Variants in MAPRE2 observed in about 807,000 individuals in gnomAD.
The protein encoded by MAPRE2 is microtubule-associated protein RP/EB family member 2.
A neutral mutation model predicts 43.2 loss-of-function variants in MAPRE2; 13 were observed. The ratio of observed to expected loss-of-function variants is 0.30; its 90% CI spans 0.20 to 0.48. The LOEUF (loss-of-function observed/expected upper bound fraction) is 0.48. Among genes scored for constraint, MAPRE2 ranks in the 20% least tolerant of loss-of-function variants. The probability of loss-of-function intolerance (pLI) is 0.99; values close to 1 mark genes in which losing one functional copy is unlikely to be tolerated. For missense variants in MAPRE2, 161 were observed against 400.2 expected, an observed-to-expected ratio of 0.40 and a Z score of 5.10; for synonymous variants, 135 against 148.8, an observed-to-expected ratio of 0.91 and a Z score of 0.68.
chr18:35,139,039 G>C (rs1274397252), intron 6 of MAPRE2, among the ~76,000 whole-genome samples: 1 of 152,076 alleles, frequency 6.6e-6, no homozygotes, highest in Admixed American at 6.6e-5. Flanking sequence ...GCATCCAGTG[G>C]GTGGGGCCAA....
chr18:35,098,825 T>C (rs1172440962), intron 3 of MAPRE2, among the ~76,000 whole-genome samples: 1 of 152,230 alleles, frequency 6.6e-6, no homozygotes, highest in Non-Finnish European at 1.5e-5. Context: ...TCTAGAAGTA[T>C]ATACACACAG....
At chr18:35,001,004 A>G (rs1490883575) in intron 1 of MAPRE2, among the ~76,000 whole-genome samples, 1 of 152,190 alleles carries the variant, frequency 6.6e-6, no homozygotes, top group African/African-American at 2.4e-5. Context: ...AGGCAGGTGG[A>G]TCACTGGATC....
chr18:35,035,584 G>A (rs887470204), intron 2 of MAPRE2, among the ~76,000 whole-genome samples: 14 of 151,626 alleles, frequency 9.2e-5, no homozygotes, highest in Admixed American at 8.6e-4. Flanking sequence ...AGTTATTGAT[G>A]TGTCTGACCT....
chr18:35,004,023 TA>T (rs2097030594), intron 1 of MAPRE2, among the ~76,000 whole-genome samples: 2 of 152,224 alleles, frequency 1.3e-5, no homozygotes, highest in Admixed American at 1.3e-4. Flanking sequence ...TTCTGATTTT[TA>T]AACAAGCCCA....
Position 35,143,103 on chromosome 18 carries a change from C to A in MAPRE2, c.*2734C>A, listed in dbSNP as rs1004279375. 6.6e-6 allele frequency: 1 copy of A among 151,020 alleles called. No homozygotes were observed. 9.4% of individuals were successfully genotyped at this position (151,020 alleles called of 1,614,324 possible). ...AAAAAAAAAAAAGAAAGAAAAACAC[C>A]TGTTGACCTGAGAGAAGTAAATTCC... On this transcript the variant is annotated 3_prime_UTR_variant, in exon 7 of 7. Coordinates refer to ENST00000300249, the MANE Select transcript of MAPRE2 (RefSeq NM_014268.4).
intron 1 of MAPRE2, among the ~76,000 whole-genome samples, chr18:35,062,771 G>A (rs562249495): frequency 6.6e-6 from 1 of 152,176 alleles, no homozygotes; most frequent in Middle Eastern, 3.4e-3. Context: ...AAACCACTTG[G>A]GTTATAAGAA....
upstream of MAPRE2, among the ~76,000 whole-genome samples, chr18:35,040,901 A>T (rs1905309749): frequency 1.3e-5 from 2 of 152,100 alleles, no homozygotes; most frequent in South Asian, 4.1e-4. Flanking sequence ...TTTTGGGGAG[A>T]TGGTTGCTGC....
chr18:35,036,635 T>C (rs1006116053), upstream of MAPRE2, among the ~76,000 whole-genome samples: 1 of 152,180 alleles, frequency 6.6e-6, no homozygotes, highest in African/African-American at 2.4e-5. Context: ...CCCTCTACAC[T>C]GCCATTCCTC....
At chr18:35,063,324 G>A (rs886630057) in intron 1 of MAPRE2, among the ~76,000 whole-genome samples, 1 of 151,988 alleles carries the variant, frequency 6.6e-6, no homozygotes, top group African/African-American at 2.4e-5. Flanking sequence ...AGCCAGGATG[G>A]TCTTGATCTC....
chr18:35,140,885 T>C lies in MAPRE2; in HGVS notation c.*516T>C, dbSNP rs1323387409. On this transcript the variant is annotated 3_prime_UTR_variant, in exon 7 of 7. Coordinates refer to ENST00000300249, the MANE Select transcript of MAPRE2 (RefSeq NM_014268.4). ...AAACAGATACTTGATATGAAAGCCA[T>C]AATGACGGTGACTTGTGTCGTGGGG... 1 of 153,178 alleles carries C rather than the reference T, an allele frequency of 6.5e-6. No individual in the cohort carries two copies. The highest frequency in any genetic ancestry group is 1.5e-5 in the Non-Finnish European group (1 of 68,486). 9.5% of individuals were successfully genotyped at this position (153,178 alleles called of 1,614,324 possible).
intron 4 of MAPRE2, among the ~76,000 whole-genome samples, chr18:35,115,995 G>GT (rs1185421033): frequency 4.6e-5 from 7 of 152,140 alleles, no homozygotes; most frequent in Admixed American, 4.6e-4. Context: ...TTGAAGCACT[G>GT]TAAGAGATTC....
intron 2 of MAPRE2, among the ~76,000 whole-genome samples, chr18:35,010,341 G>A (rs1476915163): frequency 6.6e-6 from 1 of 152,212 alleles, no homozygotes; most frequent in Admixed American, 6.5e-5. Context: ...AAGAGTTCAA[G>A]GCTACAGTGA....
chr18:35,097,929 T>C (rs896572259), intron 3 of MAPRE2, among the ~76,000 whole-genome samples: 1 of 152,230 alleles, frequency 6.6e-6, no homozygotes, highest in Non-Finnish European at 1.5e-5. Context: ...AGAAACATCA[T>C]GTCATGGCAG....
chr18:35,012,005 T>C (rs770571760), intron 2 of MAPRE2, among the ~76,000 whole-genome samples: 5 of 152,086 alleles, frequency 3.3e-5, no homozygotes, highest in Non-Finnish European at 7.4e-5. Flanking sequence ...AAGTGAGAAG[T>C]AGTCACCTAA....
intron 2 of MAPRE2, among the ~76,000 whole-genome samples, chr18:35,032,916 G>A (rs2097048527): frequency 6.6e-6 from 1 of 152,044 alleles, no homozygotes; most frequent in Non-Finnish European, 1.5e-5. Flanking sequence ...CTGTATTGCT[G>A]GGAGCTTTTT....
chr18:35,070,421 A>T (rs947916544), intron 2 of MAPRE2, 99 bp downstream of exon 2: 1 of 1,054,860 alleles, frequency 9.5e-7, no homozygotes, highest in African/African-American at 1.6e-5. Context: ...GGTAGGAAAA[A>T]GTATATATTG....
At chr18:35,053,480 A>G (rs1906055739) in intron 1 of MAPRE2, among the ~76,000 whole-genome samples, 2 of 151,672 alleles carry the variant, frequency 1.3e-5, no homozygotes, top group Non-Finnish European at 2.9e-5. Context: ...TTAGCTGAGA[A>G]AAAAAAAACA....
At position 35,009,384 on chromosome 18, in the gene MAPRE2, G is replaced by A. The variant is rs750097665; in HGVS notation, c.-8+3831G>A. Among the ~76,000 whole-genome samples, 34 of 152,162 alleles carry A rather than the reference G, an allele frequency of 2.2e-4. 1 individual carries two copies. Among genetic ancestry groups the A allele is most frequent in the Non-Finnish European group, 4.3e-4 (29 of 68,040 alleles). On this transcript the variant is annotated intron_variant, in intron 2 of 7. Transcript: ENST00000413393. ...AGCTCTTAAAGCATACTATCTAATA[G>A]TGTAAAGAATATTTTTTAAAAAATC...
intron 1 of MAPRE2, among the ~76,000 whole-genome samples, chr18:34,978,986 G>A (rs2097014663): frequency 6.6e-6 from 1 of 152,132 alleles, no homozygotes; most frequent in African/African-American, 2.4e-5. Flanking sequence ...GCCAAGTTGG[G>A]GAAACTCTAC....
Sources: gnomAD v4.1 joint callset for allele counts (sites outside exome capture counted in the v4.1 genomes callset) on GRCh38, gnomAD v4.1.1 for gene constraint, MANE v1.5 for transcripts, NCBI Gene and HGNC (gene_info 2026-07-23, HGNC 2026-07-21) for gene names.